Variants in NEXMIF observed in about 807,000 individuals in gnomAD.
The protein encoded by NEXMIF is XLMR protein related to neurite extension.
In NEXMIF, 8 loss-of-function variants were observed where a neutral mutation model predicts 62.1. The observed-to-expected ratio is 0.13, with a 90% CI of 0.08 to 0.23. The LOEUF is 0.23. NEXMIF is among the 10% of genes least tolerant of loss of function. The pLI, the probability that NEXMIF is intolerant of heterozygous loss-of-function variation, is 1.00. For missense variants in NEXMIF, 976 were observed against 1,113.3 expected (o/e 0.88, Z 1.75); for synonymous variants, 404 against 416.6 (o/e 0.97, Z 0.37).
At chrX:74,789,806 A>C (rs2080273432) in intron 1 of NEXMIF, among the ~76,000 whole-genome samples, 1 of 107,944 alleles carries the variant, frequency 9.3e-6, no homozygotes, top group South Asian at 4.2e-4. Context: ...TCCTTCGCCC[A>C]CTTTTTGATG....
At chrX:74,848,667 T>C (rs766556122) in intron 1 of NEXMIF, among the ~76,000 whole-genome samples, 16 of 112,346 alleles carry the variant, frequency 1.4e-4, no homozygotes, top group Admixed American at 4.7e-4. Context: ...GCTGAGAAAT[T>C]AATAAGTAGG....
At chrX:74,861,935 A>C (rs768226316) in intron 1 of NEXMIF, among the ~76,000 whole-genome samples, 3 of 111,886 alleles carry the variant, frequency 2.7e-5, no homozygotes, top group Admixed American at 1.9e-4. Flanking sequence ...CAACTACATC[A>C]ACAAGTCTGC....
At chrX:74,886,309 CAGG>C (rs904670988) in intron 1 of NEXMIF, among the ~76,000 whole-genome samples, 18 of 111,431 alleles carry the variant, frequency 1.6e-4, no homozygotes, top group Admixed American at 1.2e-3. Context: ...GGCAATGAGG[CAGG>C]AGAAGGAAAT....
chrX:74,753,172 T>G (rs895599988), intron 1 of NEXMIF, among the ~76,000 whole-genome samples: 4 of 112,611 alleles, frequency 3.6e-5, no homozygotes, highest in Admixed American at 1.9e-4. Flanking sequence ...ATATGGTTTC[T>G]AATCTATTTT....
At position 74,908,201 on chromosome X, in the gene NEXMIF, T is replaced by C. The variant is rs553995058; in HGVS notation, c.-48+16682A>G. 1.1e-4 allele frequency among the ~76,000 whole-genome samples: 12 copies of C among 111,970 alleles called. No individual in the cohort carries two copies. The South Asian group carries it at 3.8e-3, about 35-fold the overall frequency. Reference sequence around the variant, plus strand: ...TAAAGAGCATACCTAGGAGCACACTTTTCCTTTCAGTGCATATTATGCCAA... The same window carrying C: ...TAAAGAGCATACCTAGGAGCACACTCTTCCTTTCAGTGCATATTATGCCAA... On this transcript the variant is annotated intron_variant, in intron 1 of 3. Coordinates refer to ENST00000055682, the MANE Select transcript of NEXMIF (RefSeq NM_001008537.3).
chrX:74,760,010 T>A (rs2080171239), intron 1 of NEXMIF, among the ~76,000 whole-genome samples: 1 of 112,403 alleles, frequency 8.9e-6, no homozygotes, highest in Non-Finnish European at 1.9e-5. Flanking sequence ...TATTGATTCT[T>A]CCTATCCATG....
In NEXMIF at chrX:74,743,169, A is replaced by C; in HGVS notation, c.1388T>G (p.Met463Arg). 1.7e-6 allele frequency: 2 copies of C among 1,211,097 alleles called. No individual in the cohort carries two copies. The highest frequency in any genetic ancestry group is 2.2e-6 in the Non-Finnish European group (2 of 895,255). ...GCTGCCAGAATTAGTGTCCCGAGCCATATAGCGACTACAGTCCTTGATCTC... is the reference window on the plus strand; with the variant it reads ...GCTGCCAGAATTAGTGTCCCGAGCCCTATAGCGACTACAGTCCTTGATCTC... ...MGEIKDCSRY[M>R]ARDTNSGSSS... The change falls in exon 3 of 4, where the codon ATG (methionine) becomes AGG (arginine). Residue 463 changes from methionine to arginine, a missense_variant. By Grantham distance (91) the Met-to-Arg change is moderately conservative. Transcript: ENST00000055682.
chrX:74,870,129 A>G (rs574881390), intron 1 of NEXMIF, among the ~76,000 whole-genome samples: 29 of 111,588 alleles, frequency 2.6e-4, no homozygotes, highest in Middle Eastern at 4.6e-3. Context: ...ACAGATACAT[A>G]TATCAGTGGA....
chrX:74,755,057 G>T (rs1352039707), intron 1 of NEXMIF, among the ~76,000 whole-genome samples: 2 of 111,703 alleles, frequency 1.8e-5, no homozygotes, highest in Non-Finnish European at 3.8e-5. Context: ...CCTAACATGT[G>T]TACTTGAAAC....
At chrX:74,881,844 G>A (rs914317729) in intron 1 of NEXMIF, among the ~76,000 whole-genome samples, 1 of 111,912 alleles carries the variant, frequency 8.9e-6, no homozygotes, top group Non-Finnish European at 1.9e-5. Context: ...AGTCAAGGAG[G>A]AGGTTATGGG....
At chrX:74,898,410 G>A (rs1474458910) in intron 1 of NEXMIF, among the ~76,000 whole-genome samples, 2 of 111,442 alleles carry the variant, frequency 1.8e-5, no homozygotes, top group African/African-American at 3.3e-5. Context: ...CAAAAACAAG[G>A]AAAGCCTGAG....
At chrX:74,851,420 T>C (rs773205680) in intron 1 of NEXMIF, among the ~76,000 whole-genome samples, 1 of 111,261 alleles carries the variant, frequency 9.0e-6, no homozygotes, top group African/African-American at 3.3e-5. Context: ...ATCCACTGTG[T>C]ATTATAGTCA....
Position 74,739,532 on chromosome X carries a change from G to C in NEXMIF, c.4458-34C>G, listed in dbSNP as rs1330650833. On this transcript the variant is annotated intron_variant, in intron 3 of 3. Transcript: ENST00000055682. ...AAATCAAACAATTTATGCCATCTGA[G>C]TTAGTTTTAGTGTATGTCCCACAAA... 3.2e-6 allele frequency: 3 copies of C among 940,690 alleles called. No homozygotes were observed. The South Asian group carries it at 6.5e-5, about 20-fold the overall frequency. 77.5% of individuals were successfully genotyped at this position (940,690 alleles called of 1,213,427 possible). A position where few individuals can be genotyped will look rare whatever the true frequency, so the allele number is the denominator to read the frequency against.
At chrX:74,801,116 T>C (rs983679755) in intron 1 of NEXMIF, among the ~76,000 whole-genome samples, 1 of 112,146 alleles carries the variant, frequency 8.9e-6, no homozygotes, top group Non-Finnish European at 1.9e-5. Context: ...GCAATATGCA[T>C]TTCAAGTTTC....
chrX:74,789,526 T>A (rs2080271956), intron 1 of NEXMIF, among the ~76,000 whole-genome samples: 1 of 111,062 alleles, frequency 9.0e-6, no homozygotes, highest in Non-Finnish European at 1.9e-5. Context: ...TATTTCCAGT[T>A]CTAGATCCCT....
At chrX:74,883,466 T>C (rs2080675238) in intron 1 of NEXMIF, among the ~76,000 whole-genome samples, 1 of 111,776 alleles carries the variant, frequency 8.9e-6, no homozygotes, top group Non-Finnish European at 1.9e-5. Flanking sequence ...CTGATGGAGA[T>C]GAAAACCATG....
At chrX:74,769,693 C>T in intron 1 of NEXMIF, 2 of 715,650 alleles carry the variant, frequency 2.8e-6, no homozygotes, top group South Asian at 4.3e-5. Flanking sequence ...AGAATTTGTT[C>T]TTAAATTATA....
At chrX:74,913,942 G>T (rs2080798693) in intron 1 of NEXMIF, among the ~76,000 whole-genome samples, 1 of 112,190 alleles carries the variant, frequency 8.9e-6, no homozygotes. Flanking sequence ...AAATGTAAAA[G>T]AAGAAATCTA....
At chrX:74,795,582 T>C (rs2080303857) in intron 1 of NEXMIF, among the ~76,000 whole-genome samples, 2 of 111,226 alleles carry the variant, frequency 1.8e-5, no homozygotes, top group African/African-American at 6.6e-5. Context: ...ATTTTGAGAG[T>C]GATGGAACTC....
Sources: allele counts gnomAD v4.1 joint callset (sites outside exome capture counted in the v4.1 genomes callset), GRCh38; gene constraint gnomAD v4.1.1; transcripts MANE v1.5; gene names NCBI Gene and HGNC (gene_info 2026-07-23, HGNC 2026-07-21).